The following LINGO2 variants were observed in gnomAD, a reference collection of about 807,000 sequenced individuals.
LINGO2 encodes the protein leucine-rich repeat and immunoglobulin-like domain-containing nogo receptor-interacting protein 2.
LINGO2 carries 14 observed loss-of-function variants against 30.6 expected under a neutral mutation model. The ratio of observed to expected loss-of-function variants is 0.46; its 90% CI spans 0.30 to 0.72. The LOEUF (loss-of-function observed/expected upper bound fraction) is 0.72, where lower values mean the gene tolerates loss of function less well. LINGO2 is among the 30% of genes least tolerant of loss of function. The probability of loss-of-function intolerance (pLI) is 0.07; values close to 1 mark genes in which losing one functional copy is unlikely to be tolerated. For missense variants in LINGO2, 729 were observed against 751.7 expected (o/e 0.97, Z 0.35); for synonymous variants, 317 against 288.5 (o/e 1.10, Z -1.00).
At chr9:28,929,733 G>A in the LINGO2 span, among the ~76,000 whole-genome samples, 2 of 152,086 alleles carry the variant, frequency 1.3e-5, no homozygotes, top group African/African-American at 4.8e-5. Flanking sequence ...TGCAAACTGC[G>A]CCAATGGTCT....
At chr9:28,868,243 T>C in the LINGO2 span, among the ~76,000 whole-genome samples, 1 of 152,100 alleles carries the variant, frequency 6.6e-6, no homozygotes, top group Non-Finnish European at 1.5e-5. Flanking sequence ...TCCTCATTGA[T>C]GACATTTGAT....
In LINGO2 at chr9:28,639,337, C is replaced by T. The variant is rs546928458; in HGVS notation, c.-365+30863G>A. 9.4e-3 allele frequency among the ~76,000 whole-genome samples: 1,432 copies of T among 152,128 alleles called. 20 individuals are homozygous for T. The highest frequency in any genetic ancestry group is 0.033 in the African/African-American group (1,364 of 41,502). On this transcript the variant is annotated intron_variant, in intron 1 of 5. Transcript: ENST00000379992. ...GAGTTCTGTAGATGTCTATTAGGTG[C>T]GCTTGGTGTAGAGCTGAGTTCAATT...
At chr9:29,155,435 T>C in the LINGO2 span, among the ~76,000 whole-genome samples, 1 of 152,080 alleles carries the variant, frequency 6.6e-6, no homozygotes, top group Non-Finnish European at 1.5e-5. Flanking sequence ...TTGCTAATAA[T>C]CATGAACTAT....
chr9:29,041,441 T>C, the LINGO2 span, among the ~76,000 whole-genome samples: 2 of 152,048 alleles, frequency 1.3e-5, no homozygotes, highest in Non-Finnish European at 2.9e-5. Flanking sequence ...CCTGCTACTG[T>C]ATATAGCTAT....
rs184324734 is a variant in LINGO2 at position 28,504,002 on chromosome 9, T to G, written c.-364-27977A>C. 1.7e-3 allele frequency among the ~76,000 whole-genome samples: 256 copies of G among 152,060 alleles called. 1 individual carries two copies. The highest frequency in any genetic ancestry group is 2.7e-3 in the Non-Finnish European group (183 of 67,874). On this transcript the variant is annotated intron_variant, in intron 1 of 5. Coordinates refer to ENST00000379992, the Ensembl canonical transcript of LINGO2. ...TTTAGTGGATACTTCTTTAACTGCC[T>G]ATCATGTGAAGAACAGAATAAAACC...
chr9:28,431,715 G>C (rs1310249764), intron 2 of LINGO2, among the ~76,000 whole-genome samples: 2 of 152,170 alleles, frequency 1.3e-5, no homozygotes, highest in South Asian at 2.1e-4. Flanking sequence ...AGAAAGCCCT[G>C]TGGCTGAAAC....
At chr9:28,561,441 A>G (rs983931473) in intron 1 of LINGO2, among the ~76,000 whole-genome samples, 2 of 151,472 alleles carry the variant, frequency 1.3e-5, no homozygotes, top group East Asian at 1.9e-4. Context: ...TCTGATAGTT[A>G]CTTTTTAAAT....
At chr9:29,028,429 TGA>T in the LINGO2 span, among the ~76,000 whole-genome samples, 4 of 112,784 alleles carry the variant, frequency 3.5e-5, no homozygotes, top group African/African-American at 7.4e-5. Flanking sequence ...TGGGGGGGGG[TGA>T]GAGAGAGAGA....
the LINGO2 span, among the ~76,000 whole-genome samples, chr9:29,136,776 T>G: frequency 1.3e-5 from 2 of 152,250 alleles, no homozygotes; most frequent in South Asian, 4.1e-4. Flanking sequence ...TCAAATGTTG[T>G]TCAGTTTCAA....
At chr9:28,252,326 A>G (rs1275508969) in intron 4 of LINGO2, among the ~76,000 whole-genome samples, 1 of 152,052 alleles carries the variant, frequency 6.6e-6, no homozygotes. Flanking sequence ...CCCGGGTTCA[A>G]GTGATTCTCC....
At chr9:28,367,642 T>C (rs1820728948) in intron 3 of LINGO2, among the ~76,000 whole-genome samples, 1 of 152,084 alleles carries the variant, frequency 6.6e-6, no homozygotes, top group African/African-American at 2.4e-5. Flanking sequence ...TGTAGGTGAC[T>C]CTTTTTTTCC....
chr9:27,960,613 T>C (rs550033520), intron 5 of LINGO2, among the ~76,000 whole-genome samples: 1 of 137,614 alleles, frequency 7.3e-6, no homozygotes, highest in African/African-American at 3.2e-5. Flanking sequence ...TTGTGGTATA[T>C]CTTTTTTTTT....
chr9:28,491,294 T>G (rs146787828), intron 1 of LINGO2, among the ~76,000 whole-genome samples: 1 of 152,340 alleles, frequency 6.6e-6, no homozygotes, highest in African/African-American at 2.4e-5. Context: ...TGGCATTCTT[T>G]GGCTTGTGGC....
At chr9:28,963,769 TG>T in the LINGO2 span, among the ~76,000 whole-genome samples, 1 of 151,866 alleles carries the variant, frequency 6.6e-6, no homozygotes, top group African/African-American at 2.4e-5. Context: ...TATCAGTGGC[TG>T]GGAAGAGTGT....
At chr9:29,165,890 C>A in the LINGO2 span, among the ~76,000 whole-genome samples, 5 of 152,024 alleles carry the variant, frequency 3.3e-5, no homozygotes, top group South Asian at 1.0e-3. Flanking sequence ...CATCAAGGTT[C>A]ATTTTATATT....
intron 4 of LINGO2, among the ~76,000 whole-genome samples, chr9:28,204,098 T>C (rs1308106988): frequency 6.6e-6 from 1 of 152,198 alleles, no homozygotes. Flanking sequence ...TACTGGATTC[T>C]GGGATACCCA....
At chr9:28,892,380 ATT>A in the LINGO2 span, among the ~76,000 whole-genome samples, 2 of 151,986 alleles carry the variant, frequency 1.3e-5, no homozygotes, top group Non-Finnish European at 2.9e-5. Context: ...TTTCAAAGAT[ATT>A]TGTTTGACAC....
At chr9:28,843,785 T>A in the LINGO2 span, among the ~76,000 whole-genome samples, 1 of 151,820 alleles carries the variant, frequency 6.6e-6, no homozygotes, top group Non-Finnish European at 1.5e-5. Flanking sequence ...AGGATAAGCA[T>A]GTATTTTTTG....
chr9:28,224,255 G>T (rs563149848), intron 4 of LINGO2, among the ~76,000 whole-genome samples: 8 of 152,182 alleles, frequency 5.3e-5, no homozygotes, highest in South Asian at 2.1e-4. Flanking sequence ...TAGTAGAGAC[G>T]GGGTTTCACC....
Sources: allele counts gnomAD v4.1 joint callset (sites outside exome capture counted in the v4.1 genomes callset), GRCh38; gene constraint gnomAD v4.1.1; transcripts MANE v1.5; gene names NCBI Gene and HGNC (gene_info 2026-07-23, HGNC 2026-07-21).